The following UBR2 variants were observed in gnomAD, a reference collection of about 807,000 sequenced individuals.
The protein encoded by UBR2 is E3 ubiquitin-protein ligase UBR2.
UBR2 carries 92 observed loss-of-function variants against 247.9 expected under a neutral mutation model. The observed-to-expected ratio is 0.37, with a 90% confidence interval of 0.31 to 0.44. The LOEUF (loss-of-function observed/expected upper bound fraction) is 0.44. Among genes scored for constraint, UBR2 ranks in the 20% least tolerant of loss-of-function variants. The probability of loss-of-function intolerance (pLI) is 1.00; values close to 1 mark genes in which losing one functional copy is unlikely to be tolerated. For synonymous variants in UBR2, 672 were observed against 693.5 expected, an observed-to-expected ratio of 0.97 and a Z score of 0.49; for missense variants, 1,613 against 2,112.6, an observed-to-expected ratio of 0.76 and a Z score of 4.64.
chr6:42,641,911 C>G (rs1188417947), intron 17 of UBR2, among the ~76,000 whole-genome samples: 1 of 152,076 alleles, frequency 6.6e-6, no homozygotes, highest in African/African-American at 2.4e-5. Context: ...ATGACTTTTA[C>G]TTGAAATAAT....
At chr6:42,627,849 A>G (rs1795452037) in intron 11 of UBR2, among the ~76,000 whole-genome samples, 1 of 152,106 alleles carries the variant, frequency 6.6e-6, no homozygotes, top group Admixed American at 6.6e-5. Context: ...TTTTAAAGTT[A>G]AACTGTAAAC....
intron 21 of UBR2, among the ~76,000 whole-genome samples, chr6:42,647,766 C>G (rs975130912): frequency 1.3e-5 from 2 of 152,022 alleles, no homozygotes; most frequent in Admixed American, 6.5e-5. Flanking sequence ...AAATACCAGA[C>G]GTATTTTACA....
intron 7 of UBR2, among the ~76,000 whole-genome samples, chr6:42,611,769 C>T (rs977433820): frequency 2.0e-5 from 3 of 151,206 alleles, no homozygotes; most frequent in Non-Finnish European, 4.4e-5. Context: ...AGCCAGGCGT[C>T]GTGGCGCATG....
rs550531479 is a variant in UBR2, at chr6:42,636,869, G to A, written c.1675-142G>A. ...ACTGAGATGAGGGACACTGGAAGAG[G>A]GACCAAATTTGGGAGGGAGGATTGA... On this transcript the variant is annotated intron_variant, in intron 14 of 46. Coordinates refer to ENST00000372901, the MANE Select transcript of UBR2 (RefSeq NM_001363705.2). The A allele has an allele frequency of 5.9e-4, 464 of 788,052 alleles. 1 individual carries two copies. Among genetic ancestry groups the A allele is most frequent in the Middle Eastern group, 1.8e-3 (5 of 2,734 alleles). 48.8% of individuals were successfully genotyped at this position (788,052 alleles called of 1,614,324 possible). A position where few individuals can be genotyped will look rare whatever the true frequency, so the allele number is the denominator to read the frequency against.
In UBR2 at chr6:42,674,207, A is replaced by T. The variant is rs1204963618; in HGVS notation, c.4251+14A>T. The T allele has an allele frequency of 6.2e-7, 1 of 1,611,404 alleles. No homozygotes were observed. The highest frequency in any genetic ancestry group is 2.2e-5 in the East Asian group (1 of 44,784). ...TTTCATTTATTGGTGGGTATTGTGC[A>T]GTTTGTTTGGACTTCTACGTCATAC... is the stretch of plus-strand genomic sequence containing the variant. On this transcript the variant is annotated intron_variant, in intron 38 of 46. Transcript: ENST00000372901.
intron 46 of UBR2, among the ~76,000 whole-genome samples, chr6:42,690,028 T>C (rs1435472583): frequency 6.6e-6 from 1 of 152,072 alleles, no homozygotes; most frequent in Non-Finnish European, 1.5e-5. Context: ...TTTGAGAAAA[T>C]CTTAATTGCT....
At chr6:42,590,372 A>T (rs1792578559) in intron 2 of UBR2, among the ~76,000 whole-genome samples, 1 of 152,200 alleles carries the variant, frequency 6.6e-6, no homozygotes, top group African/African-American at 2.4e-5. Context: ...ATGATAGCTA[A>T]ATGAGGACAA....
At chr6:42,676,676 C>A in intron 39 of UBR2, 107 bp from the exon 40 acceptor site, 1 of 873,444 alleles carries the variant, frequency 1.1e-6, no homozygotes. Context: ...AGGAATACTT[C>A]ATGTTATATG....
intron 1 of UBR2, among the ~76,000 whole-genome samples, chr6:42,565,426 G>A (rs756077465): frequency 6.6e-6 from 1 of 152,232 alleles, no homozygotes; most frequent in Non-Finnish European, 1.5e-5. Flanking sequence ...CTGTTGGTCA[G>A]TGAGTAGTTA....
chr6:42,596,690 T>A (rs1792998174), intron 4 of UBR2, among the ~76,000 whole-genome samples: 1 of 152,202 alleles, frequency 6.6e-6, no homozygotes, highest in African/African-American at 2.4e-5. Flanking sequence ...ACAACATGCA[T>A]GAACCTCTAA....
In UBR2 at chr6:42,564,172, TTC is replaced by T. The variant is rs978305317; in HGVS notation, c.-143_-142del. ...CCTTCCTTTCCGGTTCACGTCACCC[TTC>T]TCTCCCTCTGTTGCTCCACCTGCAG... On this transcript the variant is annotated 5_prime_UTR_variant, in exon 1 of 47. Coordinates refer to ENST00000372901, the MANE Select transcript of UBR2 (RefSeq NM_001363705.2). 2.3e-5 allele frequency: 19 copies of T among 842,650 alleles called. No individual in the cohort carries two copies. The highest frequency in any genetic ancestry group is 3.1e-5 in the Admixed American group (1 of 32,302). The allele number at this position is 842,650 out of a possible 1,614,324, so 52.2% of individuals were successfully genotyped here.
chr6:42,684,582 C>CA lies in UBR2; in HGVS notation c.4776-202dup, dbSNP rs1055095326. ...CTGGGCACAGAGCTAGACTCCGTCT[C>CA]AAAAAAAAAACAAAAAACAAAAACA... On this transcript the variant is annotated intron_variant, in intron 43 of 46. Transcript: ENST00000372901. 2.4e-3 allele frequency among the ~76,000 whole-genome samples: 305 copies of CA among 126,644 alleles called. 1 individual carries two copies. Among genetic ancestry groups the CA allele is most frequent in the Admixed American group, 8.2e-3 (100 of 12,186 alleles). The allele number at this position is 126,644 out of a possible 152,430, so 83.1% of individuals were successfully genotyped here. A position where few individuals can be genotyped will look rare whatever the true frequency, so the allele number is the denominator to read the frequency against.
Position 42,659,266 on chromosome 6 carries a change from C to T in UBR2, c.3243-390C>T, listed in dbSNP as rs1200340302. 1.3e-5 allele frequency among the ~76,000 whole-genome samples: 2 copies of T among 151,856 alleles called. No individual in the cohort carries two copies. Among genetic ancestry groups the T allele is most frequent in the East Asian group, 1.9e-4 (1 of 5,184 alleles). Reference sequence around the variant, plus strand: ...ATCCCAGCACTTCGGGAGGCCAAGGCGGGCGGATCACAAGGTGAGGAGTTC... The same window carrying T: ...ATCCCAGCACTTCGGGAGGCCAAGGTGGGCGGATCACAAGGTGAGGAGTTC... On this transcript the variant is annotated intron_variant, in intron 29 of 46. Coordinates refer to ENST00000372901, the MANE Select transcript of UBR2 (RefSeq NM_001363705.2). The surrounding 1 kb of genome is among the most constrained non-coding windows in gnomAD (Gnocchi z 4.3).
intron 4 of UBR2, among the ~76,000 whole-genome samples, chr6:42,601,656 C>G (rs1193037932): frequency 8.9e-5 from 13 of 146,832 alleles, no homozygotes; most frequent in Admixed American, 4.8e-4. Context: ...CCATTGCACT[C>G]CAGCCTGGGC....
intron 11 of UBR2, among the ~76,000 whole-genome samples, chr6:42,627,709 G>C (rs1244062482): frequency 1.3e-5 from 2 of 151,662 alleles, no homozygotes; most frequent in Non-Finnish European, 1.5e-5. Flanking sequence ...ACAATGTCTT[G>C]CTATGTTGCC....
chr6:42,675,354 A>G (rs1405579413), intron 38 of UBR2, among the ~76,000 whole-genome samples: 7 of 152,126 alleles, frequency 4.6e-5, no homozygotes. Context: ...GCCTGATCAG[A>G]GATATTAATT....
At chr6:42,686,675 C>T (rs1413656063) in intron 44 of UBR2, among the ~76,000 whole-genome samples, 1 of 147,496 alleles carries the variant, frequency 6.8e-6, no homozygotes, top group Non-Finnish European at 1.5e-5. Flanking sequence ...CGCCCCCCAC[C>T]TCCCGGACGG....
At chr6:42,676,917 T>A in intron 40 of UBR2, 44 bp downstream of exon 40, 1 of 1,418,852 alleles carries the variant, frequency 7.0e-7, no homozygotes, top group Non-Finnish European at 1.0e-6. Context: ...TAAATATTGC[T>A]AGATGATGAT....
chr6:42,648,643 C>T (rs1287233588), intron 22 of UBR2, among the ~76,000 whole-genome samples: 1 of 152,094 alleles, frequency 6.6e-6, no homozygotes, highest in African/African-American at 2.4e-5. Flanking sequence ...TGCTTCCTAC[C>T]CCAATGACAA....
Sources: gnomAD v4.1 joint callset for allele counts (sites outside exome capture counted in the v4.1 genomes callset) on GRCh38, gnomAD v4.1.1 for gene constraint, Gnocchi (gnomAD v3.1) non-coding constraint, MANE v1.5 for transcripts, NCBI Gene and HGNC (gene_info 2026-07-23, HGNC 2026-07-21) for gene names.